The following MARF1 variants were observed in gnomAD, a reference collection of about 807,000 sequenced individuals.
The protein encoded by MARF1 is meiosis regulator and mRNA stability factor 1.
In MARF1, 24 loss-of-function variants were observed where a neutral mutation model predicts 168.2. The observed-to-expected ratio is 0.14, with a 90% CI of 0.10 to 0.20. MARF1 has a LOEUF of 0.20. Ranked by LOEUF, MARF1 falls within the 10% of genes least tolerant of loss-of-function variation. The pLI, the probability that MARF1 is intolerant of heterozygous loss-of-function variation, is 1.00. For missense variants in MARF1, 1,744 were observed against 2,143.6 expected, an observed-to-expected ratio of 0.81 and a Z score of 3.68; for synonymous variants, 868 against 822.4, an observed-to-expected ratio of 1.06 and a Z score of -0.95.
chr16:15,608,606 A>G lies in MARF1; in HGVS notation c.3955-88T>C, dbSNP rs528519360. Reference sequence around the variant, plus strand: ...CAAAAAAAGTATGCAGCTAGTAATGAAAAAACAAGTCAGCGTTACTGAATG... The same window carrying G: ...CAAAAAAAGTATGCAGCTAGTAATGGAAAAACAAGTCAGCGTTACTGAATG... On this transcript the variant is annotated intron_variant, in intron 20 of 26. Transcript: ENST00000396368. The G allele has an allele frequency of 1.9e-5, 17 of 916,314 alleles. No individual in the cohort carries two copies. The South Asian group carries it at 2.5e-4, about 14-fold the overall frequency. 56.8% of individuals were successfully genotyped at this position (916,314 alleles called of 1,614,324 possible).
chr16:15,629,495 T>A (rs2035103384), intron 7 of MARF1, among the ~76,000 whole-genome samples: 1 of 152,206 alleles, frequency 6.6e-6, no homozygotes, highest in African/African-American at 2.4e-5. Context: ...AAGAGCTGAT[T>A]TCTTTCTCCC....
At chr16:15,608,260 G>GGAAA in intron 21 of MARF1, 31 bp downstream of exon 21, 1 of 829,562 alleles carries the variant, frequency 1.2e-6, no homozygotes, top group South Asian at 1.7e-5. Context: ...TCCCATGAGG[G>GGAAA]AAAAAAAAAA....
chr16:15,617,002 A>G, intron 15 of MARF1, 50 bp downstream of exon 15: 3 of 1,577,212 alleles, frequency 1.9e-6, no homozygotes, highest in South Asian at 2.3e-5. Context: ...GGCTTCCTAT[A>G]AAAAGCAGAA....
At chr16:15,602,298 TGAAGAC>T (rs755421019) in intron 22 of MARF1, 95 bp from the exon 23 acceptor site, 173 of 960,596 alleles carry the variant, frequency 1.8e-4, no homozygotes, top group Non-Finnish European at 2.5e-4. Flanking sequence ...GGCCCAGAGT[TGAAGAC>T]GAAGACAAAG....
intron 7 of MARF1, among the ~76,000 whole-genome samples, chr16:15,626,385 T>G (rs2034843708): frequency 6.6e-6 from 1 of 152,224 alleles, no homozygotes; most frequent in African/African-American, 2.4e-5. Flanking sequence ...AAATCATATC[T>G]CAACGAAGTT....
At chr16:15,599,152 AT>A (rs1266672982) in intron 25 of MARF1, 128 bp from the exon 26 acceptor site, 7 of 503,816 alleles carry the variant, frequency 1.4e-5, no homozygotes, top group Admixed American at 9.6e-5. Context: ...TATTTAAGGT[AT>A]TAAAAAAAAA....
chr16:15,622,580 G>A (rs2034542573), intron 11 of MARF1, among the ~76,000 whole-genome samples: 1 of 151,966 alleles, frequency 6.6e-6, no homozygotes, highest in African/African-American at 2.4e-5. Context: ...TAGAGACGGG[G>A]TTTCACTCGC....
At chr16:15,628,396 T>C (rs2035020791) in intron 7 of MARF1, among the ~76,000 whole-genome samples, 1 of 152,016 alleles carries the variant, frequency 6.6e-6, no homozygotes, top group Non-Finnish European at 1.5e-5. Context: ...CATACCATAC[T>C]ATTCTTTTCT....
In MARF1 at chr16:15,601,901, T is replaced by A. The variant is rs2032474525; in HGVS notation, c.4626+90A>T. Reference sequence around the variant, plus strand: ...CAATTCAAAATGCCTGCCGTTCCATTATTCTGGCAGCATTTTATTTTTCTG... The same window carrying A: ...CAATTCAAAATGCCTGCCGTTCCATAATTCTGGCAGCATTTTATTTTTCTG... On this transcript the variant is annotated intron_variant, in intron 23 of 26. Coordinates refer to ENST00000396368, the MANE Select transcript of MARF1 (RefSeq NM_014647.4). 1.3e-5 allele frequency: 14 copies of A among 1,061,438 alleles called. No homozygotes were observed. In the East Asian group the frequency reaches 3.3e-4, roughly 25 times the overall value. The allele number at this position is 1,061,438 out of a possible 1,614,324, so 65.8% of individuals were successfully genotyped here.
chr16:15,598,987 G>A lies in MARF1; in HGVS notation c.4851C>T (p.Thr1617=), dbSNP rs774486408. ...ACAGGAGGTCGACGGGGGAGTCGTC[G>A]GTCAGGCGGAGAAGCTCCTGCTCTG... ...SHTEQELLRL[T]DDSPVDLLCA... is the part of the protein sequence containing the mutation. The change falls in exon 26 of 27, where the codon ACC becomes ACT. Residue 1617 remains threonine (T), a synonymous_variant. Coordinates refer to ENST00000396368, the MANE Select transcript of MARF1 (RefSeq NM_014647.4). 5.6e-6 allele frequency: 9 copies of A among 1,611,412 alleles called. No individual in the cohort carries two copies. The highest frequency in any genetic ancestry group is 1.7e-4 in the Middle Eastern group (1 of 6,028).
At position 15,609,604 on chromosome 16, in the gene MARF1, G is replaced by A. The variant is rs368092704; in HGVS notation, c.3873C>T (p.His1291=). 1.5e-4 allele frequency: 243 copies of A among 1,614,092 alleles called. No homozygotes were observed. The highest frequency in any genetic ancestry group is 2.0e-4 in the Non-Finnish European group (236 of 1,180,044). The part of the protein sequence containing the change: ...FNKFIPSYHH[H]FGRQCKLAYY... ...ACGCAAGTTTGCACTGCCGGCCAAA[G>A]TGGTGATGGTAAGAAGGGATAAATT... Residue 1291 remains histidine, a synonymous_variant, in exon 20 of 27, where the codon CAC becomes CAT. Coordinates refer to ENST00000396368, the MANE Select transcript of MARF1 (RefSeq NM_014647.4).
At position 15,596,455 on chromosome 16, in the gene MARF1, C is replaced by G; in HGVS notation, c.*238G>C. 1 of 360,892 alleles carries G rather than the reference C, an allele frequency of 2.8e-6. No homozygotes were observed. The highest frequency in any genetic ancestry group is 4.9e-6 in the Non-Finnish European group (1 of 204,980). The allele number at this position is 360,892 out of a possible 1,614,324, so 22.4% of individuals were successfully genotyped here. A position where few individuals can be genotyped will look rare whatever the true frequency, so the allele number is the denominator to read the frequency against. ...GTAAAATATATTAAGGATTCTTTAA[C>G]AAATGCCACAAGTTCTTCAAATAAT... On this transcript the variant is annotated 3_prime_UTR_variant, in exon 27 of 27. Coordinates refer to ENST00000396368, the MANE Select transcript of MARF1 (RefSeq NM_014647.4).
intron 25 of MARF1, among the ~76,000 whole-genome samples, chr16:15,599,869 T>C (rs1422830180): frequency 6.6e-6 from 1 of 152,236 alleles, no homozygotes; most frequent in Non-Finnish European, 1.5e-5. Flanking sequence ...AGGCCTGACC[T>C]TGGCCTTCCA....
At chr16:15,597,215 G>T (rs934635983) in intron 26 of MARF1, among the ~76,000 whole-genome samples, 3 of 152,132 alleles carry the variant, frequency 2.0e-5, no homozygotes, top group Non-Finnish European at 4.4e-5. Context: ...AAAACTTTTT[G>T]TTTTTCCATT....
chr16:15,614,666 G>A (rs1175605900), intron 16 of MARF1, among the ~76,000 whole-genome samples: 90 of 151,470 alleles, frequency 5.9e-4, no homozygotes, highest in Non-Finnish European at 9.9e-4. Flanking sequence ...GGTGGCGGGC[G>A]CCTGTAGTCC....
rs774309098 is a variant in MARF1 at position 15,616,002 on chromosome 16, A to C, written c.3081T>G (p.Phe1027Leu). ...THEGTVPLLSFPDCYIAEFGD... is the reference protein window; with the variant it reads ...THEGTVPLLSLPDCYIAEFGD... The stretch of plus-strand genomic sequence containing the variant: ...CAAACTCTGCAATGTAACAATCTGG[A>C]AAGCTGAAATAGGAAAAAACAACAA... The change falls in exon 16 of 27, where the codon TTT becomes TTG. Residue 1027 changes from phenylalanine to leucine, a missense_variant. By Grantham distance (22) the Phe-to-Leu change is conservative. Transcript: ENST00000396368. 6.7e-7 allele frequency: 1 copy of C among 1,496,550 alleles called. No individual in the cohort carries two copies. The highest frequency in any genetic ancestry group is 2.3e-5 in the Admixed American group (1 of 43,694). The allele number at this position is 1,496,550 out of a possible 1,614,324, so 92.7% of individuals were successfully genotyped here. A position where few individuals can be genotyped will look rare whatever the true frequency, so the allele number is the denominator to read the frequency against.
intron 26 of MARF1, 108 bp from the exon 27 acceptor site, chr16:15,597,045 C>T (rs2031785177): frequency 1.9e-5 from 24 of 1,237,340 alleles, no homozygotes; most frequent in South Asian, 3.2e-5. Context: ...TAATAAAAAG[C>T]TTCTAAATGC....
rs773997581 is a variant in MARF1, at chr16:15,615,847, G to T, written c.3236C>A (p.Pro1079His). ...ACACCTACCAGTGTTGGGAGGCGGGGGCTTGTTGTGAATCCATTTAACCAC... is the reference window on the plus strand; with the variant it reads ...ACACCTACCAGTGTTGGGAGGCGGGTGCTTGTTGTGAATCCATTTAACCAC... ...IKVVKWIHNK[P>H]PPPNTDPWLL... The change falls in exon 16 of 27, where the codon CCC (proline) becomes CAC (histidine). Residue 1079 changes from proline (P) to histidine (H), a missense_variant. By Grantham distance (77) the Pro-to-His change is moderately conservative. This residue lies in a region of MARF1 where 543 missense variants were observed against 742.1 expected (regional missense o/e 0.73). Transcript: ENST00000396368. 3 of 1,573,842 alleles carry T rather than the reference G, an allele frequency of 1.9e-6. No homozygotes were observed. Among genetic ancestry groups the T allele is most frequent in the Non-Finnish European group, 2.6e-6 (3 of 1,158,386 alleles).
chr16:15,612,304 A>G (rs1246500168), intron 17 of MARF1, among the ~76,000 whole-genome samples: 2 of 152,050 alleles, frequency 1.3e-5, no homozygotes, highest in African/African-American at 2.4e-5. Flanking sequence ...TGGGATGAAG[A>G]AGGTCTATAG....
Sources: allele counts gnomAD v4.1 joint callset (sites outside exome capture counted in the v4.1 genomes callset), GRCh38; gene constraint gnomAD v4.1.1; regional missense constraint gnomAD v4.1.1; transcripts MANE v1.5; gene names NCBI Gene and HGNC (gene_info 2026-07-23, HGNC 2026-07-21).